OR4C13: variants seen among roughly 807,000 people sequenced by gnomAD.
The protein encoded by OR4C13 is olfactory receptor 4C13.
A neutral mutation model predicts 14.7 loss-of-function variants in OR4C13; 23 were observed. That is an observed-to-expected ratio of 1.57 (90% CI 1.13 to 2.22). The LOEUF is 2.22. OR4C13 is among the 30% of genes most tolerant of loss of function. The pLI is 0.00. For missense variants in OR4C13, 504 were observed against 368.6 expected (o/e 1.37, Z -3.01); for synonymous variants, 178 against 135.5 (o/e 1.31, Z -2.18).
Position 49,952,613 on chromosome 11 carries a change from T to A in OR4C13, c.191T>A (p.Leu64His), listed in dbSNP as rs1555015712. 6.2e-7 allele frequency: 1 copy of A among 1,613,868 alleles called. No homozygotes were observed. The highest frequency in any genetic ancestry group is 8.5e-7 in the Non-Finnish European group (1 of 1,179,800). ...CCCATGTACTTTTTCCTGGCCTATC[T>A]CTCCTTTATTGATGCCTGCTATTCC... ...RSPMYFFLAY[L>H]SFIDACYSSV... Residue 64 changes from leucine to histidine, a missense_variant, in exon 1 of 1, where the codon CTC (leucine) becomes CAC (histidine). Leu to His is a moderately conservative substitution (Grantham distance 99). Coordinates refer to ENST00000555099, the MANE Select transcript of OR4C13 (RefSeq NM_001001955.2).
rs1484574368 is a variant in OR4C13 at position 49,953,010 on chromosome 11, C to A, written c.588C>A (p.Phe196Leu). The change falls in exon 1 of 1, where the codon TTC becomes TTA. Residue 196 changes from phenylalanine (F) to leucine (L), a missense_variant. Transcript: ENST00000555099. ...ACTNTHTLGL[F>L]IAANSGFICL... is the part of the protein sequence containing the mutation. ...CTAATACCCACACTCTAGGACTCTT[C>A]ATTGCTGCCAACAGTGGGTTCATAT... 1 of 1,613,770 alleles carries A rather than the reference C, an allele frequency of 6.2e-7. No homozygotes were observed. The highest frequency in any genetic ancestry group is 2.2e-5 in the East Asian group (1 of 44,876).
At position 49,953,037 on chromosome 11, in the gene OR4C13, C is replaced by T. The variant is rs1565189921; in HGVS notation, c.615C>T (p.Cys205=). The T allele has an allele frequency of 4.3e-6, 7 of 1,613,746 alleles. No individual in the cohort carries two copies. The Admixed American group carries it at 6.7e-5, about 15-fold the overall frequency. The change falls in exon 1 of 1, where the codon TGC becomes TGT. Residue 205 remains cysteine, a synonymous_variant. Coordinates refer to ENST00000555099, the MANE Select transcript of OR4C13 (RefSeq NM_001001955.2). ...TTGCTGCCAACAGTGGGTTCATATG[C>T]CTGTTAAACTGTCTCTTGCTCCTGG... ...LFIAANSGFI[C]LLNCLLLLVS...
In OR4C13 at chr11:49,953,190, C is replaced by G; in HGVS notation, c.768C>G (p.Tyr256Ter). The G allele has an allele frequency of 6.2e-7, 1 of 1,613,576 alleles. No homozygotes were observed. Among genetic ancestry groups the G allele is most frequent in the South Asian group, 1.1e-5 (1 of 91,058 alleles). Residue 256 changes from tyrosine to a stop codon, truncating the protein, a stop_gained, in exon 1 of 1, where the codon TAC becomes TAG. Transcript: ENST00000555099. LOFTEE classifies it high-confidence loss of function. Reference protein sequence around the residue: ...ILSFIPCIFVYMRPPATLPID... With the variant: ...ILSFIPCIFV ...CCTTTATACCCTGCATATTTGTGTA[C>G]ATGAGACCTCCAGCTACTTTACCCA... is the stretch of plus-strand genomic sequence containing the variant.
Position 49,953,280 on chromosome 11 carries a change from C to G in OR4C13, c.858C>G (p.Thr286=), listed in dbSNP as rs782478856. ...ITSMLNPLIY[T]LRNAQMKNAI... is the part of the protein sequence containing the mutation. ...CTATGTTAAACCCCTTAATCTACAC[C>G]TTGAGGAATGCTCAAATGAAAAATG... Residue 286 remains threonine (T), a synonymous_variant, in exon 1 of 1, where the codon ACC becomes ACG. Transcript: ENST00000555099. 8.7e-6 allele frequency: 14 copies of G among 1,610,424 alleles called. No homozygotes were observed. The highest frequency in any genetic ancestry group is 8.5e-7 in the Non-Finnish European group (1 of 1,178,972).
rs782253361 is a variant in OR4C13 at position 49,953,160 on chromosome 11, C to T, written c.738C>T (p.Ile246=). Residue 246 remains isoleucine, a synonymous_variant, in exon 1 of 1, where the codon ATC becomes ATT. Transcript: ENST00000555099. Reference sequence around the variant, plus strand: ...GTGTCTCCCACATCACAGTTGTCATCTTATCCTTTATACCCTGCATATTTG... The same window carrying T: ...GTGTCTCCCACATCACAGTTGTCATTTTATCCTTTATACCCTGCATATTTG... ...STCVSHITVV[I]LSFIPCIFVY... 3 of 1,613,816 alleles carry T rather than the reference C, an allele frequency of 1.9e-6. No individual in the cohort carries two copies. The highest frequency in any genetic ancestry group is 1.3e-5 in the African/African-American group (1 of 75,036).
chr11:49,952,928 C>G lies in OR4C13; in HGVS notation c.506C>G (p.Pro169Arg). The G allele has an allele frequency of 1.2e-6, 2 of 1,613,912 alleles. No homozygotes were observed. Among genetic ancestry groups the G allele is most frequent in the Non-Finnish European group, 1.7e-6 (2 of 1,179,856 alleles). ...ATCTGTCAATTACCTTTCTGTGGTC[C>G]TAATGTCATAGATCACTTTATGTGT... Reference protein sequence around the residue: ...LFICQLPFCGPNVIDHFMCDL... With the variant: ...LFICQLPFCGRNVIDHFMCDL... The change falls in exon 1 of 1, where the codon CCT (proline) becomes CGT (arginine). Residue 169 changes from proline (P) to arginine (R), a missense_variant. Transcript: ENST00000555099.
Position 49,952,782 on chromosome 11 carries a change from C to T in OR4C13, c.360C>T (p.His120=), listed in dbSNP as rs782729052. The change falls in exon 1 of 1, where the codon CAC becomes CAT. Residue 120 remains histidine, a synonymous_variant. Transcript: ENST00000555099. ...VILLTVMAYD[H]YVAICKPLHY... is the part of the protein sequence containing the mutation. Reference sequence around the variant, plus strand: ...TACTTACTGTAATGGCCTATGACCACTATGTGGCCATCTGCAAGCCCTTGC... The same window carrying T: ...TACTTACTGTAATGGCCTATGACCATTATGTGGCCATCTGCAAGCCCTTGC... The T allele has an allele frequency of 3.1e-6, 5 of 1,613,896 alleles. No individual in the cohort carries two copies. Among genetic ancestry groups the T allele is most frequent in the Non-Finnish European group, 4.2e-6 (5 of 1,179,910 alleles).
Position 49,952,579 on chromosome 11 carries a change from C to G in OR4C13, c.157C>G (p.Leu53Val), listed in dbSNP as rs782349099. Residue 53 changes from leucine (L) to valine (V), a missense_variant, in exon 1 of 1, where the codon CTG becomes GTG. Coordinates refer to ENST00000555099, the MANE Select transcript of OR4C13 (RefSeq NM_001001955.2). ...GGTCACCATCACTGCCAGCCCATCA[C>G]TGAGATCCCCCATGTACTTTTTCCT... ...IVVTITASPSLRSPMYFFLAY... is the reference protein window; with the variant it reads ...IVVTITASPSVRSPMYFFLAY... 5 of 1,613,928 alleles carry G rather than the reference C, an allele frequency of 3.1e-6. No individual in the cohort carries two copies. In the East Asian group the frequency reaches 1.1e-4, roughly 36 times the overall value.
In OR4C13 at chr11:49,952,992, C is replaced by T. The variant is rs111612557; in HGVS notation, c.570C>T (p.Thr190=). Residue 190 remains threonine (T), a synonymous_variant, in exon 1 of 1, where the codon ACC becomes ACT. Transcript: ENST00000555099. Reference sequence around the variant, plus strand: ...TGATCAATCTTGCCTGCACTAATACCCACACTCTAGGACTCTTCATTGCTG... The same window carrying T: ...TGATCAATCTTGCCTGCACTAATACTCACACTCTAGGACTCTTCATTGCTG... ...YTLINLACTN[T]HTLGLFIAAN... is the part of the protein sequence containing the mutation. 147 of 1,613,682 alleles carry T rather than the reference C, an allele frequency of 9.1e-5. No individual in the cohort carries two copies. In the African/African-American group the frequency reaches 1.6e-3, roughly 18 times the overall value.
Position 49,952,734 on chromosome 11 carries a change from T to C in OR4C13, c.312T>C (p.Phe104=). Reference sequence around the variant, plus strand: ...TGACTCAAGTCTTTGGAGAACATTTTTTCAGAGGTGTTGAGGTCATCCTAC... The same window carrying C: ...TGACTCAAGTCTTTGGAGAACATTTCTTCAGAGGTGTTGAGGTCATCCTAC... The part of the protein sequence containing the change: ...GCMTQVFGEH[F]FRGVEVILLT... The change falls in exon 1 of 1, where the codon TTT becomes TTC. Residue 104 remains phenylalanine, a synonymous_variant. Coordinates refer to ENST00000555099, the MANE Select transcript of OR4C13 (RefSeq NM_001001955.2). 6.2e-7 allele frequency: 1 copy of C among 1,614,120 alleles called. No individual in the cohort carries two copies. The highest frequency in any genetic ancestry group is 8.5e-7 in the Non-Finnish European group (1 of 1,179,986).
rs150606357 is a variant in OR4C13 at position 49,953,074 on chromosome 11, G to T, written c.652G>T (p.Val218Phe). The stretch of plus-strand genomic sequence containing the variant: ...TCTCTTGCTCCTGGTCTCCTGCGTG[G>T]TCATACTGTACTCCTTAAAGACCCA... ...NCLLLLVSCV[V>F]ILYSLKTHSL... Residue 218 changes from valine to phenylalanine, a missense_variant, in exon 1 of 1, where the codon GTC becomes TTC. Physicochemically the swap from Val to Phe is conservative, Grantham distance 50. Transcript: ENST00000555099. 1 of 1,613,838 alleles carries T rather than the reference G, an allele frequency of 6.2e-7. No homozygotes were observed. The highest frequency in any genetic ancestry group is 1.1e-5 in the South Asian group (1 of 91,070).
chr11:49,952,925 G>C lies in OR4C13; in HGVS notation c.503G>C (p.Gly168Ala). ...TTCATCTGTCAATTACCTTTCTGTGGTCCTAATGTCATAGATCACTTTATG... is the reference window on the plus strand; with the variant it reads ...TTCATCTGTCAATTACCTTTCTGTGCTCCTAATGTCATAGATCACTTTATG... The part of the protein sequence containing the change: ...ILFICQLPFC[G>A]PNVIDHFMCD... The change falls in exon 1 of 1, where the codon GGT (glycine) becomes GCT (alanine). Residue 168 changes from glycine to alanine, a missense_variant. Physicochemically the swap from Gly to Ala is moderately conservative, Grantham distance 60. Transcript: ENST00000555099. 5 of 1,613,888 alleles carry C rather than the reference G, an allele frequency of 3.1e-6. No homozygotes were observed. The highest frequency in any genetic ancestry group is 4.2e-6 in the Non-Finnish European group (5 of 1,179,868).
rs368101333 is a variant in OR4C13 at position 49,953,306 on chromosome 11, C to A, written c.884C>A (p.Ala295Asp). 6.2e-7 allele frequency: 1 copy of A among 1,602,538 alleles called. No homozygotes were observed. Among genetic ancestry groups the A allele is most frequent in the Non-Finnish European group, 8.5e-7 (1 of 1,175,452 alleles). Residue 295 changes from alanine (A) to aspartate (D), a missense_variant, in exon 1 of 1, where the codon GCC becomes GAC. Ala to Asp is a moderately radical substitution (Grantham distance 126). Transcript: ENST00000555099. ...YTLRNAQMKN[A>D]IRKLCSRKAI... ...TTGAGGAATGCTCAAATGAAAAATG[C>A]CATTAGGAAATTGTGTAGTAGGAAA...
rs376714117 is a variant in OR4C13, at chr11:49,952,528, G to T, written c.106G>T (p.Ala36Ser). ...FVVFSVIYIN[A>S]MIGNVLIVVT... Reference sequence around the variant, plus strand: ...TGTGTTTTCTGTCATCTACATCAACGCCATGATAGGAAATGTGCTCATTGT... The same window carrying T: ...TGTGTTTTCTGTCATCTACATCAACTCCATGATAGGAAATGTGCTCATTGT... The change falls in exon 1 of 1, where the codon GCC becomes TCC. Residue 36 changes from alanine to serine, a missense_variant. By Grantham distance (99) the Ala-to-Ser change is moderately conservative. Transcript: ENST00000555099. 2 of 1,613,498 alleles carry T rather than the reference G, an allele frequency of 1.2e-6. No individual in the cohort carries two copies. Among genetic ancestry groups the T allele is most frequent in the South Asian group, 1.1e-5 (1 of 91,062 alleles).
In OR4C13 at chr11:49,953,007, C is replaced by T; in HGVS notation, c.585C>T (p.Leu195=). The change falls in exon 1 of 1, where the codon CTC becomes CTT. Residue 195 remains leucine (L), a synonymous_variant. Coordinates refer to ENST00000555099, the MANE Select transcript of OR4C13 (RefSeq NM_001001955.2). ...GCACTAATACCCACACTCTAGGACT[C>T]TTCATTGCTGCCAACAGTGGGTTCA... is the stretch of plus-strand genomic sequence containing the variant. The part of the protein sequence containing the change: ...LACTNTHTLG[L]FIAANSGFIC... The T allele has an allele frequency of 1.9e-6, 3 of 1,613,832 alleles. No homozygotes were observed. The highest frequency in any genetic ancestry group is 2.2e-5 in the South Asian group (2 of 91,072).
At position 49,953,086 on chromosome 11, in the gene OR4C13, T is replaced by A. The variant is rs782696567; in HGVS notation, c.664T>A (p.Ser222Thr). The A allele has an allele frequency of 4.3e-6, 7 of 1,613,876 alleles. No individual in the cohort carries two copies. The highest frequency in any genetic ancestry group is 5.9e-6 in the Non-Finnish European group (7 of 1,179,838). ...LLVSCVVILY[S>T]LKTHSLEARH... is the part of the protein sequence containing the mutation. ...GGTCTCCTGCGTGGTCATACTGTACTCCTTAAAGACCCACAGCTTAGAGGC... is the reference window on the plus strand; with the variant it reads ...GGTCTCCTGCGTGGTCATACTGTACACCTTAAAGACCCACAGCTTAGAGGC... Residue 222 changes from serine to threonine, a missense_variant, in exon 1 of 1, where the codon TCC becomes ACC. Coordinates refer to ENST00000555099, the MANE Select transcript of OR4C13 (RefSeq NM_001001955.2).
rs563481475 is a variant in OR4C13, at chr11:49,953,119, G to T, written c.697G>T (p.Glu233Ter). 11 of 1,613,556 alleles carry T rather than the reference G, an allele frequency of 6.8e-6. No homozygotes were observed. The highest frequency in any genetic ancestry group is 9.3e-6 in the Non-Finnish European group (11 of 1,179,708). ...GACCCACAGCTTAGAGGCAAGGCAC[G>T]AAGCCCTCTCTACCTGTGTCTCCCA... is the stretch of plus-strand genomic sequence containing the variant. ...LKTHSLEARH[E>*]ALSTCVSHIT... Residue 233 changes from glutamate to a stop codon, truncating the protein, a stop_gained, in exon 1 of 1, where the codon GAA becomes TAA. Transcript: ENST00000555099. LOFTEE classifies it high-confidence loss of function.
In OR4C13 at chr11:49,952,609, T is replaced by C. The variant is rs1853654130; in HGVS notation, c.187T>C (p.Tyr63His). The C allele has an allele frequency of 6.2e-6, 10 of 1,613,940 alleles. No homozygotes were observed. The highest frequency in any genetic ancestry group is 8.5e-6 in the Non-Finnish European group (10 of 1,179,834). ...ATCCCCCATGTACTTTTTCCTGGCC[T>C]ATCTCTCCTTTATTGATGCCTGCTA... ...LRSPMYFFLA[Y>H]LSFIDACYSS... Residue 63 changes from tyrosine (Y) to histidine (H), a missense_variant, in exon 1 of 1, where the codon TAT becomes CAT. By Grantham distance (83) the Tyr-to-His change is moderately conservative (BLOSUM62 2). Coordinates refer to ENST00000555099, the MANE Select transcript of OR4C13 (RefSeq NM_001001955.2).
rs782618343 is a variant in OR4C13, at chr11:49,953,236, T to A, written c.814T>A (p.Phe272Ile). ...TLPIDKAVAV[F>I]YTMITSMLNP... The stretch of plus-strand genomic sequence containing the variant: ...ACCCATTGATAAAGCAGTTGCTGTA[T>A]TCTACACTATGATAACTTCTATGTT... Residue 272 changes from phenylalanine to isoleucine, a missense_variant, in exon 1 of 1, where the codon TTC becomes ATC. Coordinates refer to ENST00000555099, the MANE Select transcript of OR4C13 (RefSeq NM_001001955.2). The A allele has an allele frequency of 1.2e-6, 2 of 1,612,348 alleles. No homozygotes were observed. Among genetic ancestry groups the A allele is most frequent in the East Asian group, 4.5e-5 (2 of 44,870 alleles).
Sources: gnomAD v4.1 joint callset for allele counts on GRCh38, gnomAD v4.1.1 for gene constraint, MANE v1.5 for transcripts, NCBI Gene and HGNC (gene_info 2026-07-23, HGNC 2026-07-21) for gene names.